LARGE1: variants seen among roughly 807,000 people sequenced by gnomAD.
LARGE1 encodes the protein LARGE xylosyl- and glucuronyltransferase 1.
In LARGE1, 43 loss-of-function variants were observed where a neutral mutation model predicts 87.6. The observed-to-expected ratio is 0.49, with a 90% CI of 0.38 to 0.63. The LOEUF is 0.63. Ranked by LOEUF, LARGE1 falls within the 30% of genes least tolerant of loss-of-function variation. The pLI is 0.00. For synonymous variants in LARGE1, 434 were observed against 394.6 expected (o/e 1.10, Z -1.18); for missense variants, 802 against 1,000.2 (o/e 0.80, Z 2.67).
intron 11 of LARGE1, among the ~76,000 whole-genome samples, chr22:33,170,373 A>T (rs1215492809): frequency 1.3e-5 from 2 of 152,108 alleles, no homozygotes; most frequent in African/African-American, 4.8e-5. Flanking sequence ...CATCTCAAAA[A>T]TAAATAAATA....
In LARGE1 at chr22:33,698,396, T is replaced by G. The variant is rs569879008; in HGVS notation, c.107-47728A>C. Among the ~76,000 whole-genome samples, 23 of 138,734 alleles carry G rather than the reference T, an allele frequency of 1.7e-4. 2 individuals carry two copies. Among genetic ancestry groups the G allele is most frequent in the African/African-American group, 3.6e-4 (13 of 36,372 alleles). 91.0% of individuals were successfully genotyped at this position (138,734 alleles called of 152,430 possible). A position where few individuals can be genotyped will look rare whatever the true frequency, so the allele number is the denominator to read the frequency against. On this transcript the variant is annotated intron_variant, in intron 2 of 14. Coordinates refer to ENST00000397394, the MANE Select transcript of LARGE1 (RefSeq NM_133642.5). Reference sequence around the variant, plus strand: ...GCTCACTGCAACCTCTATCTGCAAGTTTCAAGCGATTCTCTTGCCTCAGCC... The same window carrying G: ...GCTCACTGCAACCTCTATCTGCAAGGTTCAAGCGATTCTCTTGCCTCAGCC...
chr22:33,528,204 A>G (rs2072010249), intron 6 of LARGE1, among the ~76,000 whole-genome samples: 1 of 152,164 alleles, frequency 6.6e-6, no homozygotes, highest in Non-Finnish European at 1.5e-5. Flanking sequence ...CAGCTAAAGA[A>G]TGATGAAGTT....
chr22:33,455,964 A>C (rs2068116243), intron 6 of LARGE1, among the ~76,000 whole-genome samples: 1 of 152,164 alleles, frequency 6.6e-6, no homozygotes, highest in Non-Finnish European at 1.5e-5. Flanking sequence ...CCTCACTCAG[A>C]GACAATATTG....
At chr22:33,642,002 C>T (rs963798695) in intron 3 of LARGE1, among the ~76,000 whole-genome samples, 5 of 152,074 alleles carry the variant, frequency 3.3e-5, no homozygotes, top group Non-Finnish European at 7.4e-5. Flanking sequence ...GCAAGACAGG[C>T]TAACATTCAA....
At chr22:33,473,170 T>C (rs543807572) in intron 6 of LARGE1, among the ~76,000 whole-genome samples, 33 of 148,532 alleles carry the variant, frequency 2.2e-4, no homozygotes, top group East Asian at 1.2e-3. Flanking sequence ...ATATCTCTCT[T>C]TTTTTTTTTT....
intron 6 of LARGE1, among the ~76,000 whole-genome samples, chr22:33,538,538 T>C (rs1237896350): frequency 1.3e-5 from 2 of 152,122 alleles, no homozygotes; most frequent in Non-Finnish European, 2.9e-5. Flanking sequence ...AAAACGAAAA[T>C]GGAGCCACAT....
At chr22:33,442,283 C>A (rs1202108180) in intron 6 of LARGE1, among the ~76,000 whole-genome samples, 8 of 152,202 alleles carry the variant, frequency 5.3e-5, no homozygotes, top group Non-Finnish European at 1.2e-4. Flanking sequence ...GCACCAGGAT[C>A]TGTGCTAACT....
intron 1 of LARGE1, among the ~76,000 whole-genome samples, chr22:33,762,550 A>ATCTTCATAGCTTCCAC (rs2145739581): frequency 1.3e-5 from 2 of 152,322 alleles, no homozygotes; most frequent in Non-Finnish European, 2.9e-5. Context: ...ACTAGGGACT[A>ATCTTCATAGCTTCCAC]TCTTCATAGC....
intron 5 of LARGE1, among the ~76,000 whole-genome samples, chr22:33,594,665 G>T (rs1455700313): frequency 6.6e-6 from 1 of 152,170 alleles, no homozygotes; most frequent in Non-Finnish European, 1.5e-5. Context: ...GGAGTGCAAT[G>T]GCGCAATCTC....
chr22:33,841,204 C>T (rs1285683088), intron 1 of LARGE1, among the ~76,000 whole-genome samples: 1 of 152,140 alleles, frequency 6.6e-6, no homozygotes, highest in Non-Finnish European at 1.5e-5. Context: ...TATGCTAAGC[C>T]AAGGTGCGTC....
At chr22:33,490,052 C>T (rs184901176) in intron 6 of LARGE1, among the ~76,000 whole-genome samples, 28 of 152,242 alleles carry the variant, frequency 1.8e-4, no homozygotes, top group African/African-American at 6.5e-4. Flanking sequence ...CAACTCCTGA[C>T]TCCAGAAGCA....
At chr22:33,784,010 T>C (rs1351048926) in intron 1 of LARGE1, among the ~76,000 whole-genome samples, 2 of 152,180 alleles carry the variant, frequency 1.3e-5, no homozygotes, top group African/African-American at 4.8e-5. Context: ...TTTTTTCTTT[T>C]TCCCCTTTTA....
At chr22:33,580,992 A>AATG (rs138838118) in intron 5 of LARGE1, among the ~76,000 whole-genome samples, 10 of 152,156 alleles carry the variant, frequency 6.6e-5, no homozygotes, top group Admixed American at 1.3e-4. Context: ...TGATAATAGG[A>AATG]ATGATGATGA....
chr22:33,566,958 ACT>A (rs1401581484), intron 5 of LARGE1, among the ~76,000 whole-genome samples: 2 of 152,150 alleles, frequency 1.3e-5, no homozygotes. Flanking sequence ...AGCATCCCCA[ACT>A]CTGTGTATGA....
At chr22:33,475,258 G>C (rs1362866446) in intron 6 of LARGE1, among the ~76,000 whole-genome samples, 1 of 151,984 alleles carries the variant, frequency 6.6e-6, no homozygotes, top group African/African-American at 2.4e-5. Flanking sequence ...CCAGTCAAAG[G>C]CAAGTTGCAT....
chr22:33,516,584 C>CTAT (rs141343639), intron 6 of LARGE1, among the ~76,000 whole-genome samples: 5,851 of 151,418 alleles, frequency 0.039, 143 homozygotes, highest in Non-Finnish European at 0.056. Context: ...CAACTTCCTC[C>CTAT]TATTATTATT....
chr22:33,887,605 G>A (rs2064890493), intron 1 of LARGE1, among the ~76,000 whole-genome samples: 1 of 152,100 alleles, frequency 6.6e-6, no homozygotes, highest in Non-Finnish European at 1.5e-5. Context: ...GGCGTGGTGG[G>A]TGGGTGCCTG....
chr22:33,449,470 T>C (rs894103511), intron 6 of LARGE1, among the ~76,000 whole-genome samples: 6 of 152,194 alleles, frequency 3.9e-5, no homozygotes, highest in African/African-American at 1.4e-4. Flanking sequence ...TTTTAGATTA[T>C]CAATGTAGCA....
At chr22:33,415,358 GAA>G (rs1002484183) in intron 7 of LARGE1, among the ~76,000 whole-genome samples, 13 of 152,354 alleles carry the variant, frequency 8.5e-5, no homozygotes, top group African/African-American at 3.1e-4. Context: ...TAGCTCAGGA[GAA>G]AAAGTCTCAG....
Sources: gnomAD v4.1 joint callset for allele counts (sites outside exome capture counted in the v4.1 genomes callset) on GRCh38, gnomAD v4.1.1 for gene constraint, MANE v1.5 for transcripts, NCBI Gene and HGNC (gene_info 2026-07-23, HGNC 2026-07-21) for gene names.